The following PDE1C variants were observed in gnomAD, a reference collection of about 807,000 sequenced individuals.
PDE1C encodes dual specificity calcium/calmodulin-dependent 3',5'-cyclic nucleotide phosphodiesterase 1C.
A neutral mutation model predicts 93.1 loss-of-function variants in PDE1C; 62 were observed. The ratio of observed to expected loss-of-function variants is 0.67; its 90% CI spans 0.54 to 0.82. The LOEUF is 0.82. PDE1C is among the 40% of genes least tolerant of loss of function. PDE1C has a pLI of 0.00. For synonymous variants in PDE1C, 325 were observed against 310.1 expected, an observed-to-expected ratio of 1.05 and a Z score of -0.50; for missense variants, 742 against 884.6, an observed-to-expected ratio of 0.84 and a Z score of 2.04.
At chr7:32,214,153 CT>C (rs1173657531) in intron 1 of PDE1C, among the ~76,000 whole-genome samples, 19 of 151,816 alleles carry the variant, frequency 1.3e-4, no homozygotes, top group African/African-American at 4.1e-4. Context: ...AATGTTTATA[CT>C]ATTTTTATAC....
At chr7:32,127,272 A>C (rs926544591) in intron 3 of PDE1C, among the ~76,000 whole-genome samples, 1 of 152,130 alleles carries the variant, frequency 6.6e-6, no homozygotes, top group East Asian at 1.9e-4. Flanking sequence ...ATGAGCTAAT[A>C]ATTTTTATAA....
chr7:32,205,614 ACC>A (rs1805387055), intron 2 of PDE1C, among the ~76,000 whole-genome samples: 1 of 152,112 alleles, frequency 6.6e-6, no homozygotes, highest in South Asian at 2.1e-4. Context: ...CCCCCAGCCA[ACC>A]CGTTTGGGTC....
intron 16 of PDE1C, among the ~76,000 whole-genome samples, chr7:31,798,261 C>G (rs1233164265): frequency 6.6e-6 from 1 of 151,724 alleles, no homozygotes; most frequent in African/African-American, 2.4e-5. Context: ...GTCAACAAAT[C>G]CTCTCCAGCA....
At chr7:32,180,365 T>TTAGGATTTATTTC (rs1374735545) in intron 2 of PDE1C, among the ~76,000 whole-genome samples, 2 of 152,206 alleles carry the variant, frequency 1.3e-5, no homozygotes, top group Admixed American at 6.5e-5. Flanking sequence ...CCCAAAGACA[T>TTAGGATTTATTTC]TAGGATTTAT....
chr7:31,646,113 G>A, the PDE1C span, among the ~76,000 whole-genome samples: 1 of 152,128 alleles, frequency 6.6e-6, no homozygotes, highest in Non-Finnish European at 1.5e-5. Flanking sequence ...TTACGTTTAA[G>A]ACAAGCATTA....
intron 3 of PDE1C, among the ~76,000 whole-genome samples, chr7:32,083,647 G>C (rs966918033): frequency 2.6e-5 from 4 of 152,220 alleles, no homozygotes; most frequent in Admixed American, 2.6e-4. Flanking sequence ...ACTAACAGCA[G>C]ATCTCTCTGC....
the PDE1C span, among the ~76,000 whole-genome samples, chr7:31,666,591 A>G: frequency 1.6e-4 from 25 of 152,212 alleles, no homozygotes; most frequent in Non-Finnish European, 2.6e-4. Flanking sequence ...GAAGGAAATC[A>G]GTTGCTTTTT....
the PDE1C span, among the ~76,000 whole-genome samples, chr7:31,718,221 G>A: frequency 6.6e-6 from 1 of 152,136 alleles, no homozygotes; most frequent in Non-Finnish European, 1.5e-5. Flanking sequence ...TCCACAGGCT[G>A]CATCTTTTTC....
chr7:31,771,149 A>C (rs1257032444), intron 17 of PDE1C, among the ~76,000 whole-genome samples: 2 of 152,164 alleles, frequency 1.3e-5, no homozygotes, highest in African/African-American at 4.8e-5. Context: ...AGCCTGCACC[A>C]AAAATCAACT....
chr7:32,278,666 C>T (rs55694269), intron 1 of PDE1C, among the ~76,000 whole-genome samples: 2 of 152,078 alleles, frequency 1.3e-5, no homozygotes, highest in Non-Finnish European at 2.9e-5. Context: ...AGCTCCAAGG[C>T]GATGCTGTCT....
At chr7:31,795,839 A>G (rs1785219670) in intron 16 of PDE1C, among the ~76,000 whole-genome samples, 1 of 151,614 alleles carries the variant, frequency 6.6e-6, no homozygotes, top group Admixed American at 6.6e-5. Context: ...AAATAAAACC[A>G]ATTATGTTGG....
chr7:31,628,691 T>C, the PDE1C span, among the ~76,000 whole-genome samples: 1 of 151,936 alleles, frequency 6.6e-6, no homozygotes, highest in African/African-American at 2.4e-5. Flanking sequence ...CTCCTGACCT[T>C]GTGATCCGCC....
At chr7:31,912,869 A>C (rs995134204) in intron 2 of PDE1C, among the ~76,000 whole-genome samples, 1 of 152,156 alleles carries the variant, frequency 6.6e-6, no homozygotes, top group Non-Finnish European at 1.5e-5. Context: ...TATTTCAAAG[A>C]CAATAAATGA....
At chr7:32,413,161 T>C (rs1384559682) in intron 1 of PDE1C, among the ~76,000 whole-genome samples, 1 of 152,156 alleles carries the variant, frequency 6.6e-6, no homozygotes, top group Non-Finnish European at 1.5e-5. Context: ...AGTGGTATGC[T>C]TGTGGGCTTA....
chr7:32,298,524 C>G, intron 1 of PDE1C: 1 of 1,182,894 alleles, frequency 8.5e-7, no homozygotes, highest in Non-Finnish European at 1.2e-6. Flanking sequence ...GGCTCCCGCC[C>G]GGAGAGCACC....
At chr7:31,700,141 T>C in the PDE1C span, among the ~76,000 whole-genome samples, 1 of 152,196 alleles carries the variant, frequency 6.6e-6, no homozygotes, top group East Asian at 1.9e-4. Flanking sequence ...AAAGCCAAGA[T>C]AGGCTGAAAA....
At position 32,308,783 on chromosome 7, in the gene PDE1C, A is replaced by G. The variant is rs555955310; in HGVS notation, c.311-99244T>C. On this transcript the variant is annotated intron_variant, in intron 1 of 1. Coordinates refer to the PDE1C transcript ENST00000672256. ...TCATCAAAGACCAAAAGTAGGTAAA[A>G]CCACAAAGATGGGGAAAAAACAGAG... 5.3e-5 allele frequency among the ~76,000 whole-genome samples: 8 copies of G among 152,222 alleles called. No individual in the cohort carries two copies. The South Asian group carries it at 1.2e-3, about 24-fold the overall frequency.
intron 7 of PDE1C, among the ~76,000 whole-genome samples, chr7:31,858,038 G>A (rs1488716537): frequency 1.3e-5 from 2 of 152,154 alleles, no homozygotes; most frequent in African/African-American, 4.8e-5. Flanking sequence ...ACATCTCTCA[G>A]GAGGTATCAT....
rs1583923532 is a variant in PDE1C, at chr7:31,753,372, C to T, written c.*12G>A. On this transcript the variant is annotated 3_prime_UTR_variant, in exon 18 of 18. Coordinates refer to ENST00000396191, the MANE Select transcript of PDE1C (RefSeq NM_001191057.4). ...TAGACCCTCCTTCACTCCCTCTCTT[C>T]TTCCCCTCGGCCTATTTTCTGTTCC... The T allele has an allele frequency of 3.8e-6, 6 of 1,597,590 alleles. No individual in the cohort carries two copies. The East Asian group carries it at 1.3e-4, about 36-fold the overall frequency.
Sources: gnomAD v4.1 joint callset for allele counts (sites outside exome capture counted in the v4.1 genomes callset) on GRCh38, gnomAD v4.1.1 for gene constraint, MANE v1.5 for transcripts, NCBI Gene and HGNC (gene_info 2026-07-23, HGNC 2026-07-21) for gene names.